The following COL10A1 variants were observed in gnomAD, a reference collection of about 807,000 sequenced individuals.
The protein encoded by COL10A1 is collagen type X alpha 1 chain.
A neutral mutation model predicts 18.2 loss-of-function variants in COL10A1; 10 were observed. That is an observed-to-expected ratio of 0.55 (90% CI 0.34 to 0.93). COL10A1 has a LOEUF of 0.93. Among genes scored for constraint, COL10A1 ranks in the 40% least tolerant of loss-of-function variants. The pLI is 0.02. For synonymous variants in COL10A1, 330 were observed against 316.6 expected, an observed-to-expected ratio of 1.04 and a Z score of -0.45; for missense variants, 897 against 853.5, an observed-to-expected ratio of 1.05 and a Z score of -0.64.
chr6:116,122,783 A>G lies in COL10A1; in HGVS notation c.155-822T>C, dbSNP rs866775907. On this transcript the variant is annotated intron_variant, in intron 2 of 2. Coordinates refer to ENST00000651968, the MANE Select transcript of COL10A1 (RefSeq NM_000493.4). ...TGCAGAGCGAATCATTAAAATAGAT[A>G]TGCCGAAATAGGAAAATAATTGTTT... 1.7e-4 allele frequency among the ~76,000 whole-genome samples: 26 copies of G among 152,312 alleles called. No homozygotes were observed. In the South Asian group the frequency reaches 2.5e-3, roughly 15 times the overall value.
chr6:116,126,814 T>G (rs2114314545), upstream of COL10A1, among the ~76,000 whole-genome samples: 1 of 152,272 alleles, frequency 6.6e-6, no homozygotes, highest in Middle Eastern at 3.4e-3. Context: ...CTGTGTTTAT[T>G]TCAGGAGAAA....
At chr6:116,164,927 T>A in the COL10A1 span, among the ~76,000 whole-genome samples, 18 of 151,702 alleles carry the variant, frequency 1.2e-4, no homozygotes, top group African/African-American at 4.3e-4. Context: ...ACTAAAAAAA[T>A]AAATAAATAA....
upstream of COL10A1, among the ~76,000 whole-genome samples, chr6:116,161,216 A>G (rs1252774103): frequency 6.8e-6 from 1 of 147,842 alleles, no homozygotes; most frequent in Non-Finnish European, 1.5e-5. Context: ...GGGGAGGGAT[A>G]GCATTGGGAG....
At chr6:116,183,399 T>G in the COL10A1 span, among the ~76,000 whole-genome samples, 1 of 152,086 alleles carries the variant, frequency 6.6e-6, no homozygotes, top group Non-Finnish European at 1.5e-5. Flanking sequence ...TTTTTTCTAG[T>G]TCTGTGAAGA....
At chr6:116,126,601 A>G (rs951480604), upstream of COL10A1, among the ~76,000 whole-genome samples, 12 of 152,158 alleles carry the variant, frequency 7.9e-5, no homozygotes, top group African/African-American at 2.9e-4. Context: ...ATATTCATAA[A>G]TTTTTGTGAA....
At chr6:116,165,915 A>C in the COL10A1 span, among the ~76,000 whole-genome samples, 1 of 152,314 alleles carries the variant, frequency 6.6e-6, no homozygotes, top group Non-Finnish European at 1.5e-5. Context: ...CAATGAATGC[A>C]CAACCAGTAT....
upstream of COL10A1, among the ~76,000 whole-genome samples, chr6:116,159,095 C>G (rs1780272325): frequency 6.6e-6 from 1 of 152,164 alleles, no homozygotes; most frequent in South Asian, 2.1e-4. Context: ...TACTTACTAA[C>G]TAGCAATGTT....
upstream of COL10A1, among the ~76,000 whole-genome samples, chr6:116,163,137 AAAAAATATATATATAT>A (rs1392525656): frequency 2.8e-5 from 3 of 105,420 alleles, no homozygotes; most frequent in African/African-American, 1.5e-4. Context: ...AAAAAAAAAA[AAAAAATATATATATAT>A]ATATATATAT....
chr6:116,156,916 G>C (rs962400804), intron 1 of COL10A1, among the ~76,000 whole-genome samples: 4 of 152,120 alleles, frequency 2.6e-5, no homozygotes, highest in Admixed American at 1.3e-4. Context: ...GCTTGTGTAA[G>C]TAGCCCCTGG....
At chr6:116,154,674 G>T (rs1434582046) in intron 1 of COL10A1, among the ~76,000 whole-genome samples, 1 of 152,036 alleles carries the variant, frequency 6.6e-6, no homozygotes. Context: ...AAAGGGAGAG[G>T]TTCTCCCTGA....
chr6:116,121,867 T>C lies in COL10A1; in HGVS notation c.249A>G (p.Pro83=). 1.9e-6 allele frequency: 3 copies of C among 1,613,976 alleles called. No individual in the cohort carries two copies. Among genetic ancestry groups the C allele is most frequent in the Non-Finnish European group, 2.5e-6 (3 of 1,179,978 alleles). The change falls in exon 3 of 3, where the codon CCA becomes CCG. Residue 83 remains proline (P), a synonymous_variant. Transcript: ENST00000651968. The stretch of plus-strand genomic sequence containing the variant: ...CTTGGAGTCCAGGACTTCCGTAGCC[T>C]GGTTTTCCTGGTGGTCCAGAAGGAC... ...HPGPSGPPGK[P]GYGSPGLQGE...
chr6:116,119,933 TTGGTC>T lies in COL10A1; in HGVS notation c.*135_*139del. 2 of 809,158 alleles carry T rather than the reference TTGGTC, an allele frequency of 2.5e-6. No homozygotes were observed. Among genetic ancestry groups the T allele is most frequent in the Non-Finnish European group, 4.1e-6 (2 of 489,954 alleles). The allele number at this position is 809,158 out of a possible 1,614,324, so 50.1% of individuals were successfully genotyped here. A position where few individuals can be genotyped will look rare whatever the true frequency, so the allele number is the denominator to read the frequency against. On this transcript the variant is annotated 3_prime_UTR_variant, in exon 3 of 3. Coordinates refer to ENST00000651968, the MANE Select transcript of COL10A1 (RefSeq NM_000493.4). ...GCTCACTTTTCAGGGGGAAGGTTTG[TTGGTC>T]TGATAGCTCAAATCTGTATTTCAGA...
At chr6:116,167,383 T>TC in the COL10A1 span, among the ~76,000 whole-genome samples, 3 of 152,100 alleles carry the variant, frequency 2.0e-5, no homozygotes, top group Admixed American at 6.5e-5. Flanking sequence ...CGGCTAATTT[T>TC]TTGTATTTTT....
the COL10A1 span, among the ~76,000 whole-genome samples, chr6:116,202,979 C>G: frequency 6.6e-6 from 1 of 151,896 alleles, no homozygotes; most frequent in Non-Finnish European, 1.5e-5. Flanking sequence ...TTTACTTTTC[C>G]AAACATGGTT....
At chr6:116,136,926 G>A (rs1424029960) in intron 1 of COL10A1, 1 of 152,244 alleles carries the variant, frequency 6.6e-6, no homozygotes, top group East Asian at 1.9e-4. Context: ...GTGATGGATA[G>A]TATATAAACT....
In COL10A1 at chr6:116,119,615, A is replaced by G. The variant is rs1024067938; in HGVS notation, c.*458T>C. The G allele has an allele frequency of 4.3e-5, 7 of 163,860 alleles. No homozygotes were observed. Among genetic ancestry groups the G allele is most frequent in the African/African-American group, 7.2e-5 (3 of 41,542 alleles). 10.2% of individuals were successfully genotyped at this position (163,860 alleles called of 1,614,324 possible). On this transcript the variant is annotated 3_prime_UTR_variant, in exon 3 of 3. Coordinates refer to ENST00000651968, the MANE Select transcript of COL10A1 (RefSeq NM_000493.4). ...TTGAATATTCAAGTATTTAAGTTCT[A>G]CAAAGTTATATGATACCTCCTGGAT... is the stretch of plus-strand genomic sequence containing the variant.
chr6:116,201,152 T>G, the COL10A1 span, among the ~76,000 whole-genome samples: 2 of 151,944 alleles, frequency 1.3e-5, no homozygotes, highest in Non-Finnish European at 2.9e-5. Flanking sequence ...AGGGGATCCT[T>G]CAGAATGAGT....
At chr6:116,124,128 C>T (rs1287785123) in intron 2 of COL10A1, among the ~76,000 whole-genome samples, 2 of 151,892 alleles carry the variant, frequency 1.3e-5, no homozygotes, top group African/African-American at 4.8e-5. Context: ...CATTTATTTT[C>T]AAATATTAAG....
chr6:116,161,708 T>C (rs1780335204), upstream of COL10A1, among the ~76,000 whole-genome samples: 1 of 152,320 alleles, frequency 6.6e-6, no homozygotes, highest in African/African-American at 2.4e-5. Context: ...TTTGGCTATT[T>C]AGGCTCTTAT....
Sources: gnomAD v4.1 joint callset for allele counts (sites outside exome capture counted in the v4.1 genomes callset) on GRCh38, gnomAD v4.1.1 for gene constraint, MANE v1.5 for transcripts, NCBI Gene and HGNC (gene_info 2026-07-23, HGNC 2026-07-21) for gene names.